GATC: variants seen among roughly 807,000 people sequenced by gnomAD.
The protein encoded by GATC is glutamyl-tRNA amidotransferase subunit C.
A neutral mutation model predicts 14.4 loss-of-function variants in GATC; 11 were observed. That is an observed-to-expected ratio of 0.77 (90% CI 0.48 to 1.27). GATC has a LOEUF of 1.27. Ranked by LOEUF, GATC falls within the 50% of genes most tolerant of loss-of-function variation. The pLI is 0.00. For missense variants in GATC, 204 were observed against 183.0 expected (o/e 1.11, Z -0.66); for synonymous variants, 76 against 79.3 (o/e 0.96, Z 0.22).
Position 120,462,068 on chromosome 12 carries a change from T to C in GATC, c.*2109T>C. On this transcript the variant is annotated 3_prime_UTR_variant, in exon 4 of 4. Coordinates refer to ENST00000551765, the MANE Select transcript of GATC (RefSeq NM_176818.3). ...GTAGTGTGGGGAACCCCTGCTTTGGTATGGAGAGTCACGGCCCCTTGACCC... is the reference window on the plus strand; with the variant it reads ...GTAGTGTGGGGAACCCCTGCTTTGGCATGGAGAGTCACGGCCCCTTGACCC... The C allele has an allele frequency of 6.2e-7, 1 of 1,612,068 alleles. No individual in the cohort carries two copies. The highest frequency in any genetic ancestry group is 8.5e-7 in the Non-Finnish European group (1 of 1,179,894).
At position 120,462,046 on chromosome 12, in the gene GATC, G is replaced by C. The variant is rs774258544; in HGVS notation, c.*2087G>C. ...AGTAGGGCCTGAAAGGAGAGAAGTAGTGTGGGGAACCCCTGCTTTGGTATG... is the reference window on the plus strand; with the variant it reads ...AGTAGGGCCTGAAAGGAGAGAAGTACTGTGGGGAACCCCTGCTTTGGTATG... On this transcript the variant is annotated 3_prime_UTR_variant, in exon 4 of 4. Transcript: ENST00000551765. The C allele has an allele frequency of 6.2e-7, 1 of 1,611,794 alleles. No individual in the cohort carries two copies. Among genetic ancestry groups the C allele is most frequent in the East Asian group, 2.2e-5 (1 of 44,874 alleles).
rs1361162392 is a variant in GATC, at chr12:120,446,829, G to A, written c.254G>A (p.Arg85Lys). The A allele has an allele frequency of 3.8e-6, 6 of 1,592,094 alleles. No individual in the cohort carries two copies. The highest frequency in any genetic ancestry group is 1.3e-5 in the African/African-American group (1 of 74,438). ...CCCATGGAATCGGTCCTGGAGGACA[G>A]GTAAACTCGCGGCTGCAGCCCCGAA... is the stretch of plus-strand genomic sequence containing the variant. ...VEPMESVLED[R>K]CLYLRSDNVV... Residue 85 changes from arginine (R) to lysine (K), a missense_variant and splice_region_variant, in exon 2 of 4, where the codon AGA becomes AAA. Physicochemically the swap from Arg to Lys is conservative, Grantham distance 26. Transcript: ENST00000551765.
At position 120,457,127 on chromosome 12, in the gene GATC, A is replaced by C; in HGVS notation, c.306A>C (p.Glu102Asp). Residue 102 changes from glutamate to aspartate, a missense_variant, in exon 3 of 4, where the codon GAA becomes GAC. By Grantham distance (45) the Glu-to-Asp change is conservative. Coordinates refer to ENST00000551765, the MANE Select transcript of GATC (RefSeq NM_176818.3). ...TGGTAGAAGGCAACTGTGCTGATGA[A>C]TTACTACAAAACTCCCATCGCGTCG... ...DNVVEGNCAD[E>D]LLQNSHRVVE... 6.2e-7 allele frequency: 1 copy of C among 1,614,126 alleles called. No individual in the cohort carries two copies. Among genetic ancestry groups the C allele is most frequent in the South Asian group, 1.1e-5 (1 of 91,080 alleles).
chr12:120,455,945 C>T (rs2137043457), intron 2 of GATC, among the ~76,000 whole-genome samples: 1 of 152,270 alleles, frequency 6.6e-6, no homozygotes, highest in South Asian at 2.1e-4. Flanking sequence ...CTCGGCCTCC[C>T]AAAGTGCTGG....
At chr12:120,447,089 T>G (rs1877895648) in intron 2 of GATC, among the ~76,000 whole-genome samples, 1 of 151,614 alleles carries the variant, frequency 6.6e-6, no homozygotes, top group African/African-American at 2.4e-5. Flanking sequence ...TTGTTTTTTT[T>G]TTTTTGAGAC....
At chr12:120,453,950 TA>T (rs1319817368) in intron 2 of GATC, among the ~76,000 whole-genome samples, 3 of 151,976 alleles carry the variant, frequency 2.0e-5, no homozygotes, top group African/African-American at 7.3e-5. Context: ...CATACATACA[TA>T]AATAGAAAGG....
At chr12:120,447,691 G>C (rs943752215) in intron 2 of GATC, among the ~76,000 whole-genome samples, 1 of 151,962 alleles carries the variant, frequency 6.6e-6, no homozygotes, top group Admixed American at 6.6e-5. Context: ...TTGTTCATTT[G>C]TTATATCTCT....
At chr12:120,451,401 G>T (rs891862667) in intron 2 of GATC, among the ~76,000 whole-genome samples, 1 of 151,886 alleles carries the variant, frequency 6.6e-6, no homozygotes, top group African/African-American at 2.4e-5. Flanking sequence ...CCAAGATGGA[G>T]CCACTGCACT....
chr12:120,447,085 T>G (rs1003855022), intron 2 of GATC, among the ~76,000 whole-genome samples: 2 of 151,458 alleles, frequency 1.3e-5, no homozygotes, highest in African/African-American at 4.8e-5. Flanking sequence ...TGTTTTGTTT[T>G]TTTTTTTTTG....
Position 120,460,907 on chromosome 12 carries a change from A to C in GATC, c.*948A>C, listed in dbSNP as rs1878318168. On this transcript the variant is annotated 3_prime_UTR_variant, in exon 4 of 4. Transcript: ENST00000551765. The stretch of plus-strand genomic sequence containing the variant: ...GTAGTCCCAGCTACTCGGGAGGCTG[A>C]GGCAGGAGAATGGCGTGAACCCGGG... 6.6e-6 allele frequency: 1 copy of C among 151,716 alleles called. No homozygotes were observed. Among genetic ancestry groups the C allele is most frequent in the South Asian group, 2.1e-4 (1 of 4,802 alleles). The allele number at this position is 151,716 out of a possible 1,614,324, so 9.4% of individuals were successfully genotyped here. A position where few individuals can be genotyped will look rare whatever the true frequency, so the allele number is the denominator to read the frequency against.
intron 2 of GATC, among the ~76,000 whole-genome samples, chr12:120,453,260 G>A (rs1878098242): frequency 1.3e-5 from 2 of 152,206 alleles, no homozygotes; most frequent in Admixed American, 1.3e-4. Context: ...CACCGTAGCA[G>A]CATTTCTCAC....
intron 2 of GATC, among the ~76,000 whole-genome samples, chr12:120,451,304 C>T (rs1339544333): frequency 6.6e-6 from 1 of 151,554 alleles, no homozygotes; most frequent in African/African-American, 2.4e-5. Flanking sequence ...ATTAGCCAGG[C>T]AAGGTGGCAG....
At chr12:120,447,330 CT>C (rs1472319781) in intron 2 of GATC, among the ~76,000 whole-genome samples, 2 of 152,124 alleles carry the variant, frequency 1.3e-5, no homozygotes, top group Non-Finnish European at 2.9e-5. Context: ...CCGCCTCGGC[CT>C]CCCAAAGTGC....
rs1878072682 is a variant in GATC, at chr12:120,452,315, C to G, written c.255-4761C>G. Among the ~76,000 whole-genome samples, 5 of 152,310 alleles carry G rather than the reference C, an allele frequency of 3.3e-5. No homozygotes were observed. In the South Asian group the frequency reaches 1.0e-3, roughly 32 times the overall value. Reference sequence around the variant, plus strand: ...CAGGTAATAAGCAGAGAATTTGGAACTCAGAGCTTCTGCTGCCAAATACTG... The same window carrying G: ...CAGGTAATAAGCAGAGAATTTGGAAGTCAGAGCTTCTGCTGCCAAATACTG... On this transcript the variant is annotated intron_variant, in intron 2 of 3. Transcript: ENST00000551765.
intron 2 of GATC, among the ~76,000 whole-genome samples, chr12:120,449,794 C>T (rs1877988621): frequency 6.6e-6 from 1 of 150,644 alleles, no homozygotes; most frequent in South Asian, 2.1e-4. Context: ...CAGAGTTTTG[C>T]TCACGTTGCC....
chr12:120,462,247 G>GAA lies in GATC; in HGVS notation c.*2288_*2289insAA. On this transcript the variant is annotated 3_prime_UTR_variant, in exon 4 of 4. Coordinates refer to ENST00000551765, the MANE Select transcript of GATC (RefSeq NM_176818.3). ...AGCAAACCAACATCTAACAATAATAGTTAAGTATTGAGCACTTACTGTGTA... is the reference window on the plus strand; with the variant it reads ...AGCAAACCAACATCTAACAATAATAGAATTAAGTATTGAGCACTTACTGTGTA... 7.0e-7 allele frequency: 1 copy of GAA among 1,427,770 alleles called. No individual in the cohort carries two copies. Among genetic ancestry groups the GAA allele is most frequent in the Non-Finnish European group, 9.5e-7 (1 of 1,050,566 alleles). 88.4% of individuals were successfully genotyped at this position (1,427,770 alleles called of 1,614,324 possible).
chr12:120,452,897 T>G (rs1318430453), intron 2 of GATC, among the ~76,000 whole-genome samples: 1 of 152,072 alleles, frequency 6.6e-6, no homozygotes, highest in Non-Finnish European at 1.5e-5. Flanking sequence ...GGTCTCACCA[T>G]GTTTCCCAGG....
At chr12:120,446,893 G>A in intron 2 of GATC, 64 bp downstream of exon 2, 1 of 1,470,134 alleles carries the variant, frequency 6.8e-7, no homozygotes, top group Non-Finnish European at 9.2e-7. Context: ...TTAATGTGAC[G>A]ATTAGCGAAC....
Position 120,446,567 on chromosome 12 carries a change from G to A in GATC, c.81+6G>A, listed in dbSNP as rs745852603. ...CCTCCAAGGCGGATCCTCAGGTAAA[G>A]GCCAGGGCCATCTAGGCGGGTGGCG... is the stretch of plus-strand genomic sequence containing the variant. On this transcript the variant is annotated splice_donor_region_variant and intron_variant, in intron 1 of 3. Coordinates refer to ENST00000551765, the MANE Select transcript of GATC (RefSeq NM_176818.3). 4.4e-6 allele frequency: 7 copies of A among 1,596,780 alleles called. No individual in the cohort carries two copies. The South Asian group carries it at 7.8e-5, about 18-fold the overall frequency.
Sources: gnomAD v4.1 joint callset for allele counts (sites outside exome capture counted in the v4.1 genomes callset) on GRCh38, gnomAD v4.1.1 for gene constraint, MANE v1.5 for transcripts, NCBI Gene and HGNC (gene_info 2026-07-23, HGNC 2026-07-21) for gene names.